The following RIPOR1 variants were observed in gnomAD, a reference collection of about 807,000 sequenced individuals.
The protein encoded by RIPOR1 is RHO family interacting cell polarization regulator 1.
In RIPOR1, 58 loss-of-function variants were observed where a neutral mutation model predicts 116.5. The observed-to-expected ratio is 0.50, with a 90% CI of 0.40 to 0.62. RIPOR1 has a LOEUF of 0.62. Among genes scored for constraint, RIPOR1 ranks in the 20% least tolerant of loss-of-function variants. The pLI is 0.00. For missense variants in RIPOR1, 1,372 were observed against 1,586.2 expected (o/e 0.86, Z 2.29); for synonymous variants, 605 against 650.0 (o/e 0.93, Z 1.05).
Position 67,529,997 on chromosome 16 carries a change from C to T in RIPOR1, c.-24+1083C>T, listed in dbSNP as rs1293806128. ...TAATTGGGGGCTGAGGTACAAAATA[C>T]TCCAGCGGGACAAGGAGGACTGGCA... is the stretch of plus-strand genomic sequence containing the variant. On this transcript the variant is annotated intron_variant, in intron 1 of 21. Coordinates refer to ENST00000042381, the MANE Select transcript of RIPOR1 (RefSeq NM_024519.4). This position sits in a 1 kb window ranked among gnomAD's most constrained non-coding sequence, Gnocchi z 4.1. 2.9e-6 allele frequency: 2 copies of T among 691,462 alleles called. No homozygotes were observed. The highest frequency in any genetic ancestry group is 4.2e-5 in the Admixed American group (2 of 48,128). 42.8% of individuals were successfully genotyped at this position (691,462 alleles called of 1,614,324 possible).
At position 67,545,925 on chromosome 16, in the gene RIPOR1, G is replaced by A. The variant is rs773452797; in HGVS notation, c.3388-24G>A. The A allele has an allele frequency of 1.2e-6, 2 of 1,613,882 alleles. No homozygotes were observed. Among genetic ancestry groups the A allele is most frequent in the Non-Finnish European group, 1.7e-6 (2 of 1,179,914 alleles). The stretch of plus-strand genomic sequence containing the variant: ...TCCTGGACTCCCACTGTCTGGCTAA[G>A]TCTGTCCTCCCACCCTTCCACAGGC... On this transcript the variant is annotated intron_variant, in intron 19 of 21. Coordinates refer to ENST00000042381, the MANE Select transcript of RIPOR1 (RefSeq NM_024519.4). The surrounding 1 kb of genome is among the most constrained non-coding windows in gnomAD (Gnocchi z 4.8).
rs777453357 is a variant in RIPOR1 at position 67,540,224 on chromosome 16, T to G, written c.567+19T>G. The G allele has an allele frequency of 5.0e-6, 8 of 1,613,828 alleles. No homozygotes were observed. Among genetic ancestry groups the G allele is most frequent in the Non-Finnish European group, 6.8e-6 (8 of 1,179,894 alleles). ...CACGGAGGTGAGGGATGGGGGCCCA[T>G]GAGGCAGAGGCACAGGGTGTGGCAG... On this transcript the variant is annotated intron_variant, in intron 7 of 21. Transcript: ENST00000042381. This position sits in a 1 kb window ranked among gnomAD's most constrained non-coding sequence, Gnocchi z 4.7.
intron 1 of RIPOR1, among the ~76,000 whole-genome samples, chr16:67,520,432 G>GAAGAT (rs56897788): frequency 1.3e-5 from 2 of 149,754 alleles, no homozygotes; most frequent in Non-Finnish European, 3.0e-5. Context: ...AGAGAGAAGA[G>GAAGAT]AAGATAAGAG....
chr16:67,522,190 GATTTTTTTTTTT>G (rs2050500452), intron 1 of RIPOR1, among the ~76,000 whole-genome samples: 1 of 94,770 alleles, frequency 1.1e-5, no homozygotes, highest in African/African-American at 5.7e-5. Flanking sequence ...ACCACGCCCA[GATTTTTTTTTTT>G]TTTTTTTTTT....
In RIPOR1 at chr16:67,541,372, T is replaced by C; in HGVS notation, c.802-58T>C. ...TCTATGCAAATTCAGACCTCAGATT[T>C]CCCATGATCTCATAGCCCCTGCACC... On this transcript the variant is annotated intron_variant, in intron 10 of 21. Coordinates refer to ENST00000042381, the MANE Select transcript of RIPOR1 (RefSeq NM_024519.4). The surrounding 1 kb of genome is among the most constrained non-coding windows in gnomAD (Gnocchi z 4.6). 6.4e-7 allele frequency: 1 copy of C among 1,554,028 alleles called. No homozygotes were observed. The highest frequency in any genetic ancestry group is 8.7e-7 in the Non-Finnish European group (1 of 1,147,066).
intron 1 of RIPOR1, 137 bp from the exon 2 acceptor site, chr16:67,538,287 T>G: frequency 8.3e-7 from 1 of 1,200,194 alleles, no homozygotes; most frequent in Non-Finnish European, 1.1e-6. Context: ...TCGGCGGGAC[T>G]AGGCGGACCC....
chr16:67,525,822 C>T (rs2050535351), upstream of RIPOR1, among the ~76,000 whole-genome samples: 1 of 152,154 alleles, frequency 6.6e-6, no homozygotes, highest in Non-Finnish European at 1.5e-5. Flanking sequence ...TGACCACGAC[C>T]CAGGGAGCCA....
chr16:67,527,418 G>A (rs141288483), upstream of RIPOR1, among the ~76,000 whole-genome samples: 38 of 151,858 alleles, frequency 2.5e-4, no homozygotes, highest in East Asian at 7.2e-3. Flanking sequence ...AAAGAAAAGG[G>A]CACTACAAAG....
At chr16:67,524,066 A>T (rs2050520448), upstream of RIPOR1, among the ~76,000 whole-genome samples, 2 of 151,932 alleles carry the variant, frequency 1.3e-5, no homozygotes, top group Non-Finnish European at 2.9e-5. Context: ...GAGGCAAACA[A>T]AAAAAAATAG....
intron 1 of RIPOR1, among the ~76,000 whole-genome samples, chr16:67,535,233 G>A (rs1000616170): frequency 6.6e-6 from 1 of 152,204 alleles, no homozygotes; most frequent in Non-Finnish European, 1.5e-5. Flanking sequence ...GATGACTAGG[G>A]TCACACTTGA....
At chr16:67,539,541 G>A in intron 4 of RIPOR1, 187 bp from the exon 5 acceptor site, 1 of 733,058 alleles carries the variant, frequency 1.4e-6, no homozygotes, top group African/African-American at 1.7e-5. Context: ...GGGGGCTGAA[G>A]GGACCAGATC....
At position 67,529,431 on chromosome 16, in the gene RIPOR1, T is replaced by C. The variant is rs1239692062; in HGVS notation, c.-24+517T>C. 4.0e-6 allele frequency: 1 copy of C among 249,400 alleles called. No individual in the cohort carries two copies. The highest frequency in any genetic ancestry group is 5.3e-5 in the Admixed American group (1 of 19,030). The allele number at this position is 249,400 out of a possible 1,614,324, so 15.4% of individuals were successfully genotyped here. On this transcript the variant is annotated intron_variant, in intron 1 of 21. Coordinates refer to ENST00000042381, the MANE Select transcript of RIPOR1 (RefSeq NM_024519.4). The surrounding 1 kb of genome is among the most constrained non-coding windows in gnomAD (Gnocchi z 4.1). ...GACCGAGCCTGGGCTGGAGCCGGGC[T>C]CTCCGCCCAAACCTGGCGTAGCCGA...
chr16:67,522,314 T>C (rs1380709201), intron 1 of RIPOR1, among the ~76,000 whole-genome samples: 1 of 149,364 alleles, frequency 6.7e-6, no homozygotes, highest in Admixed American at 6.7e-5. Flanking sequence ...GCAATTCTCC[T>C]GCCTCAGCCT....
At chr16:67,539,687 C>T (rs1463119054) in intron 4 of RIPOR1, 41 bp from the exon 5 acceptor site, 1 of 1,613,396 alleles carries the variant, frequency 6.2e-7, no homozygotes, top group East Asian at 2.2e-5. Context: ...GAGTCCTCCT[C>T]ATCCCTCCTA....
intron 1 of RIPOR1, among the ~76,000 whole-genome samples, chr16:67,533,974 ATTTTT>A (rs767462361): frequency 8.1e-6 from 1 of 123,422 alleles, no homozygotes; most frequent in Admixed American, 8.3e-5. Flanking sequence ...CGCCCGGCTA[ATTTTT>A]TTTTTTTTTT....
chr16:67,519,110 C>T (rs1210336087), intron 1 of RIPOR1, among the ~76,000 whole-genome samples: 1 of 152,132 alleles, frequency 6.6e-6, no homozygotes, highest in Non-Finnish European at 1.5e-5. Flanking sequence ...CACGATGAAA[C>T]CCGGCCTCTA....
upstream of RIPOR1, among the ~76,000 whole-genome samples, chr16:67,527,114 G>C (rs1486889707): frequency 6.6e-6 from 1 of 152,164 alleles, no homozygotes; most frequent in Non-Finnish European, 1.5e-5. Flanking sequence ...GTCATGCCCA[G>C]GTTTAAGGAC....
chr16:67,546,522 A>G lies in RIPOR1; in HGVS notation c.*59A>G. On this transcript the variant is annotated 3_prime_UTR_variant, in exon 22 of 22. Coordinates refer to ENST00000042381, the MANE Select transcript of RIPOR1 (RefSeq NM_024519.4). The stretch of plus-strand genomic sequence containing the variant: ...CCCCCACTTTCAGGGCTCACCAGGC[A>G]CTGGCAGGGAGGGTAAGGGCTGGCT... 7.0e-7 allele frequency: 1 copy of G among 1,432,392 alleles called. No homozygotes were observed. The highest frequency in any genetic ancestry group is 2.3e-5 in the East Asian group (1 of 43,578). The allele number at this position is 1,432,392 out of a possible 1,614,324, so 88.7% of individuals were successfully genotyped here.
At chr16:67,535,119 A>C (rs1279701668) in intron 1 of RIPOR1, among the ~76,000 whole-genome samples, 3 of 152,140 alleles carry the variant, frequency 2.0e-5, no homozygotes, top group Non-Finnish European at 4.4e-5. Flanking sequence ...TTGGGATTAT[A>C]GGCATGAACC....
Sources: allele counts gnomAD v4.1 joint callset (sites outside exome capture counted in the v4.1 genomes callset), GRCh38; gene constraint gnomAD v4.1.1; non-coding constraint Gnocchi (gnomAD v3.1); transcripts MANE v1.5; gene names NCBI Gene and HGNC (gene_info 2026-07-23, HGNC 2026-07-21).